TMEM156: variants seen among roughly 807,000 people sequenced by gnomAD.
TMEM156 encodes transmembrane protein 156.
Under a neutral mutation model 30.5 loss-of-function variants are expected in TMEM156, and 28 were observed. The observed-to-expected ratio is 0.92, with a 90% CI of 0.68 to 1.26. The LOEUF is 1.26. TMEM156 is among the 50% of genes most tolerant of loss of function. The pLI, the probability that TMEM156 is intolerant of heterozygous loss-of-function variation, is 0.00. For missense variants in TMEM156, 351 were observed against 340.6 expected (o/e 1.03, Z -0.24); for synonymous variants, 137 against 119.9 (o/e 1.14, Z -0.93).
In TMEM156 at chr4:39,032,355, C is replaced by A; in HGVS notation, c.-42G>T. The A allele has an allele frequency of 2.4e-6, 3 of 1,255,632 alleles. No individual in the cohort carries two copies. The highest frequency in any genetic ancestry group is 1.2e-5 in the South Asian group (1 of 80,230). The allele number at this position is 1,255,632 out of a possible 1,614,324, so 77.8% of individuals were successfully genotyped here. On this transcript the variant is annotated 5_prime_UTR_variant, in exon 1 of 7. It removes an upstream start codon present in the reference 5' UTR. Coordinates refer to ENST00000381938, the MANE Select transcript of TMEM156 (RefSeq NM_024943.3). The stretch of plus-strand genomic sequence containing the variant: ...CAAATGTGTTCCCTTGCAGTACATT[C>A]ATGGTATGTTGCTTCCTGCTTTAAG...
intron 5 of TMEM156, among the ~76,000 whole-genome samples, chr4:38,971,682 G>A (rs1722600836): frequency 6.6e-6 from 1 of 152,154 alleles, no homozygotes; most frequent in Non-Finnish European, 1.5e-5. Context: ...ATTCTCCTAA[G>A]ATCCACGGTC....
intron 1 of TMEM156, among the ~76,000 whole-genome samples, chr4:39,024,754 C>T (rs1213449784): frequency 6.6e-6 from 1 of 152,186 alleles, no homozygotes; most frequent in African/African-American, 2.4e-5. Context: ...ATCATCTGTA[C>T]AACAAACCCC....
intron 5 of TMEM156, among the ~76,000 whole-genome samples, chr4:38,982,228 C>A (rs1484803813): frequency 6.6e-6 from 1 of 152,194 alleles, no homozygotes; most frequent in Non-Finnish European, 1.5e-5. Context: ...TTCCAGTGTT[C>A]TTCAGCTTTG....
At chr4:38,993,324 A>G (rs1352039048) in intron 3 of TMEM156, among the ~76,000 whole-genome samples, 1 of 151,940 alleles carries the variant, frequency 6.6e-6, no homozygotes, top group Non-Finnish European at 1.5e-5. Context: ...CCAGCTACTC[A>G]GGAGGCTGAG....
chr4:38,995,147 T>C (rs1172071846), intron 2 of TMEM156, among the ~76,000 whole-genome samples: 1 of 152,194 alleles, frequency 6.6e-6, no homozygotes, highest in East Asian at 1.9e-4. Context: ...CCTGTGTCCA[T>C]GTCTCTGTGT....
chr4:39,013,143 A>G (rs901578813), intron 1 of TMEM156, among the ~76,000 whole-genome samples: 1 of 151,544 alleles, frequency 6.6e-6, no homozygotes. Flanking sequence ...TATAAAAAAA[A>G]TACAAAAATC....
intron 1 of TMEM156, among the ~76,000 whole-genome samples, chr4:39,018,293 G>A (rs554328629): frequency 3.7e-4 from 56 of 152,072 alleles, no homozygotes; most frequent in Admixed American, 5.2e-4. Context: ...TGACTTAAAG[G>A]TTACTTTTAT....
intron 5 of TMEM156, among the ~76,000 whole-genome samples, chr4:38,972,223 T>C (rs565158730): frequency 6.2e-4 from 93 of 150,770 alleles, no homozygotes; most frequent in Non-Finnish European, 1.2e-3. Context: ...ACAGAAATAC[T>C]GTAGAACCTT....
chr4:38,975,029 C>T (rs6854984), intron 5 of TMEM156, among the ~76,000 whole-genome samples: 3,186 of 152,114 alleles, frequency 0.021, 111 homozygotes, highest in African/African-American at 0.073. Flanking sequence ...AATAAATAGG[C>T]CATTTCCAGC....
Position 38,986,546 on chromosome 4 carries a change from C to T in TMEM156, c.740-127G>A, listed in dbSNP as rs971812078. On this transcript the variant is annotated intron_variant, in intron 4 of 6. Transcript: ENST00000381938. ...ATTCATGGCCAGGCACGGTGGTTCACGCCTGTAATCCCAGCACTTTGGGAG... is the reference window on the plus strand; with the variant it reads ...ATTCATGGCCAGGCACGGTGGTTCATGCCTGTAATCCCAGCACTTTGGGAG... 1.6e-5 allele frequency: 11 copies of T among 666,858 alleles called. No homozygotes were observed. In the East Asian group the frequency reaches 1.7e-4, roughly 10 times the overall value. 41.3% of individuals were successfully genotyped at this position (666,858 alleles called of 1,614,324 possible).
At chr4:39,024,307 T>C (rs1009847490) in intron 1 of TMEM156, among the ~76,000 whole-genome samples, 1 of 152,114 alleles carries the variant, frequency 6.6e-6, no homozygotes, top group African/African-American at 2.4e-5. Flanking sequence ...AGTGCTGGGA[T>C]TACAGGCATG....
chr4:38,972,303 G>T lies in TMEM156; in HGVS notation c.824-1166C>A, dbSNP rs113065162. Among the ~76,000 whole-genome samples, 102 of 128,470 alleles carry T rather than the reference G, an allele frequency of 7.9e-4. 1 individual carries two copies. Among genetic ancestry groups the T allele is most frequent in the South Asian group, 1.6e-3 (6 of 3,860 alleles). The allele number at this position is 128,470 out of a possible 152,430, so 84.3% of individuals were successfully genotyped here. A position where few individuals can be genotyped will look rare whatever the true frequency, so the allele number is the denominator to read the frequency against. ...GAGTCTCACTCTGTCGCCCAGGCTA[G>T]AGTGCAATGGTGCGATCTCAGCTCA... is the stretch of plus-strand genomic sequence containing the variant. On this transcript the variant is annotated intron_variant, in intron 5 of 6. Coordinates refer to ENST00000381938, the MANE Select transcript of TMEM156 (RefSeq NM_024943.3).
intron 1 of TMEM156, among the ~76,000 whole-genome samples, chr4:39,024,736 A>C (rs1013727856): frequency 6.6e-6 from 1 of 152,244 alleles, no homozygotes; most frequent in Non-Finnish European, 1.5e-5. Context: ...CAATACCTAG[A>C]TGATGAAATC....
At chr4:39,001,760 C>A (rs1179096688) in intron 1 of TMEM156, among the ~76,000 whole-genome samples, 6 of 149,162 alleles carry the variant, frequency 4.0e-5, no homozygotes, top group Non-Finnish European at 7.5e-5. Flanking sequence ...TTTGACAAAC[C>A]TGAGAAAAAC....
intron 1 of TMEM156, among the ~76,000 whole-genome samples, chr4:39,009,618 AC>A (rs1158368448): frequency 6.6e-6 from 1 of 152,218 alleles, no homozygotes; most frequent in Admixed American, 6.5e-5. Flanking sequence ...CATGTGATTC[AC>A]CACATAAACA....
chr4:39,006,902 C>T (rs1713777085), intron 1 of TMEM156, among the ~76,000 whole-genome samples: 1 of 152,060 alleles, frequency 6.6e-6, no homozygotes, highest in Admixed American at 6.6e-5. Context: ...ATGATCATAC[C>T]ACTGCAGTCC....
intron 2 of TMEM156, among the ~76,000 whole-genome samples, chr4:38,994,821 G>A (rs62294552): frequency 0.078 from 11,864 of 152,122 alleles, 546 homozygotes; most frequent in Middle Eastern, 0.14. Context: ...GGTGATGTGT[G>A]CCTGCAGGTG....
At chr4:39,013,690 G>A (rs951414890) in intron 1 of TMEM156, among the ~76,000 whole-genome samples, 25 of 151,916 alleles carry the variant, frequency 1.6e-4, no homozygotes, top group Non-Finnish European at 2.6e-4. Context: ...ATGAGCCATC[G>A]CGCCCGGCCA....
intron 1 of TMEM156, among the ~76,000 whole-genome samples, chr4:39,013,503 G>T (rs905140334): frequency 2.6e-5 from 4 of 151,524 alleles, no homozygotes; most frequent in African/African-American, 9.7e-5. Context: ...GGATTCAAGC[G>T]ATTTCCCCTG....
Sources: allele counts gnomAD v4.1 joint callset (sites outside exome capture counted in the v4.1 genomes callset), GRCh38; gene constraint gnomAD v4.1.1; transcripts MANE v1.5; gene names NCBI Gene and HGNC (gene_info 2026-07-23, HGNC 2026-07-21).